Variants in SCOC observed in about 807,000 individuals in gnomAD.
The protein encoded by SCOC is short coiled coil protein.
A neutral mutation model predicts 9.9 loss-of-function variants in SCOC; 7 were observed. The ratio of observed to expected loss-of-function variants is 0.71; its 90% CI spans 0.40 to 1.33. The LOEUF (loss-of-function observed/expected upper bound fraction) is 1.33. Ranked by LOEUF, SCOC falls within the 40% of genes most tolerant of loss-of-function variation. SCOC has a pLI of 0.01. For missense variants in SCOC, 66 were observed against 89.7 expected (o/e 0.74, Z 1.07); for synonymous variants, 19 against 28.2 (o/e 0.67, Z 1.03).
At chr4:140,329,704 C>A (rs1732753760) in intron 1 of SCOC, among the ~76,000 whole-genome samples, 1 of 152,082 alleles carries the variant, frequency 6.6e-6, no homozygotes, top group African/African-American at 2.4e-5. Context: ...GAAAAATGCT[C>A]AATATCACTA....
Position 140,368,417 on chromosome 4 carries a change from C to T in SCOC, c.71-10704C>T, listed in dbSNP as rs560762398. Among the ~76,000 whole-genome samples, 8 of 152,208 alleles carry T rather than the reference C, an allele frequency of 5.3e-5. No homozygotes were observed. The South Asian group carries it at 1.7e-3, about 32-fold the overall frequency. ...AAACATGTAATTATTTTTAAAAATT[C>T]ATCTTGTACAACCAGAGGTATAAAT... On this transcript the variant is annotated intron_variant, in intron 2 of 4. Transcript: ENST00000338517.
chr4:140,265,615 A>C (rs929768918), intron 1 of SCOC, among the ~76,000 whole-genome samples: 3 of 152,184 alleles, frequency 2.0e-5, no homozygotes, highest in African/African-American at 7.2e-5. Flanking sequence ...GCCTTATTTG[A>C]ACATGGTTTA....
upstream of SCOC, among the ~76,000 whole-genome samples, chr4:140,372,051 A>C (rs1215165826): frequency 6.6e-6 from 1 of 152,238 alleles, no homozygotes; most frequent in Non-Finnish European, 1.5e-5. Flanking sequence ...TAGGTGAGGT[A>C]CCTAGAGTAG....
At chr4:140,288,032 C>T (rs1264912352) in intron 1 of SCOC, among the ~76,000 whole-genome samples, 3 of 152,036 alleles carry the variant, frequency 2.0e-5, no homozygotes, top group South Asian at 2.1e-4. Context: ...ACTTTACACA[C>T]ATACCACACA....
intron 2 of SCOC, among the ~76,000 whole-genome samples, chr4:140,358,799 C>G (rs540805498): frequency 1.3e-4 from 20 of 152,284 alleles, no homozygotes; most frequent in Non-Finnish European, 2.9e-4. Flanking sequence ...ATTTACTTAG[C>G]CTTCTTAAAA....
At chr4:140,324,046 C>T (rs140315557) in intron 1 of SCOC, among the ~76,000 whole-genome samples, 2 of 151,974 alleles carry the variant, frequency 1.3e-5, no homozygotes, top group East Asian at 3.9e-4. Context: ...TATAGCAGAT[C>T]CCAGGAAAGA....
chr4:140,291,604 G>A (rs914545251), intron 1 of SCOC: 7 of 439,834 alleles, frequency 1.6e-5, no homozygotes, highest in East Asian at 7.0e-5. Context: ...ATCCTTTCTC[G>A]GTCACCAAAT....
At chr4:140,260,086 A>C (rs757177581) in intron 1 of SCOC, among the ~76,000 whole-genome samples, 3 of 152,240 alleles carry the variant, frequency 2.0e-5, no homozygotes, top group African/African-American at 7.2e-5. Flanking sequence ...TTGAGCACTC[A>C]GCAAACACTG....
rs538995343 is a variant in SCOC at position 140,287,684 on chromosome 4, A to C, written c.-19+30274A>C. 7.2e-5 allele frequency among the ~76,000 whole-genome samples: 11 copies of C among 152,194 alleles called. No homozygotes were observed. In the South Asian group the frequency reaches 1.0e-3, roughly 14 times the overall value. ...TACCACATGTCACACATATGTACACATACACACACCAAACACATGGACACA... is the reference window on the plus strand; with the variant it reads ...TACCACATGTCACACATATGTACACCTACACACACCAAACACATGGACACA... On this transcript the variant is annotated intron_variant, in intron 1 of 4. Coordinates refer to the SCOC transcript ENST00000394205.
At chr4:140,357,094 G>A (rs926598544) in intron 2 of SCOC, among the ~76,000 whole-genome samples, 7 of 151,786 alleles carry the variant, frequency 4.6e-5, no homozygotes, top group Non-Finnish European at 1.0e-4. Context: ...CTCAGCCTCT[G>A]GAGTAGCTGA....
At chr4:140,378,790 C>G (rs1163594025) in intron 1 of SCOC, among the ~76,000 whole-genome samples, 1 of 152,026 alleles carries the variant, frequency 6.6e-6, no homozygotes, top group South Asian at 2.1e-4. Flanking sequence ...TATTATCATA[C>G]TGCTTTCCAA....
chr4:140,373,813 C>A, intron 1 of SCOC, 96 bp downstream of exon 1: 1 of 1,305,598 alleles, frequency 7.7e-7, no homozygotes, highest in Non-Finnish European at 1.1e-6. Flanking sequence ...GCGGGCTGGA[C>A]GCGGCCCTGC....
intron 2 of SCOC, among the ~76,000 whole-genome samples, chr4:140,367,660 G>A (rs1240250896): frequency 6.6e-6 from 1 of 152,142 alleles, no homozygotes; most frequent in Non-Finnish European, 1.5e-5. Flanking sequence ...TTACAGATGT[G>A]AGCCACTGTG....
At chr4:140,369,857 ATTTTTTTTTTTTTTTTT>A (rs540817613), upstream of SCOC, among the ~76,000 whole-genome samples, 4 of 31,420 alleles carry the variant, frequency 1.3e-4, no homozygotes, top group South Asian at 5.5e-3. Context: ...CAGAAGGGGG[ATTTTTTTTTTTTTTTTT>A]TTTTTTTTTT....
upstream of SCOC, among the ~76,000 whole-genome samples, chr4:140,340,801 T>TG: frequency 9.1e-6 from 1 of 109,446 alleles, no homozygotes; most frequent in Non-Finnish European, 2.0e-5. Context: ...TTTTTTTTTT[T>TG]TTTTTTTAGA....
chr4:140,373,336 A>C, upstream of SCOC: 1 of 1,414,900 alleles, frequency 7.1e-7, no homozygotes, highest in Non-Finnish European at 9.2e-7. Flanking sequence ...TTCTCACTCC[A>C]ATTCTCAGGT....
At chr4:140,308,453 C>A (rs1377825920) in intron 1 of SCOC, among the ~76,000 whole-genome samples, 1 of 152,130 alleles carries the variant, frequency 6.6e-6, no homozygotes, top group African/African-American at 2.4e-5. Flanking sequence ...CAGGGCCGAG[C>A]AGAGGATGAC....
intron 1 of SCOC, among the ~76,000 whole-genome samples, chr4:140,272,566 C>T (rs1730870189): frequency 6.6e-6 from 1 of 152,196 alleles, no homozygotes; most frequent in Non-Finnish European, 1.5e-5. Flanking sequence ...ATGTAAGCTT[C>T]AGAAGGGCAG....
chr4:140,267,592 G>A (rs1405801533), intron 1 of SCOC, among the ~76,000 whole-genome samples: 3 of 152,064 alleles, frequency 2.0e-5, no homozygotes, highest in East Asian at 1.9e-4. Context: ...AGGGAGAAAC[G>A]AGGCCTTCTC....
Sources: allele counts gnomAD v4.1 joint callset (sites outside exome capture counted in the v4.1 genomes callset), GRCh38; gene constraint gnomAD v4.1.1; transcripts MANE v1.5; gene names NCBI Gene and HGNC (gene_info 2026-07-23, HGNC 2026-07-21).